The following SLC25A31 variants were observed in gnomAD, a reference collection of about 807,000 sequenced individuals.
SLC25A31 encodes ADP/ATP translocase 4.
SLC25A31 carries 40 observed loss-of-function variants against 36.2 expected under a neutral mutation model. The ratio of observed to expected loss-of-function variants is 1.10; its 90% confidence interval spans 0.86 to 1.44. The LOEUF is 1.44. Among genes scored for constraint, SLC25A31 ranks in the 40% most tolerant of loss-of-function variants. The pLI is 0.00. For missense variants in SLC25A31, 350 were observed against 397.1 expected (o/e 0.88, Z 1.01); for synonymous variants, 143 against 149.7 (o/e 0.96, Z 0.32).
At chr4:127,756,572 G>T (rs1289508985) in intron 2 of SLC25A31, among the ~76,000 whole-genome samples, 1 of 152,076 alleles carries the variant, frequency 6.6e-6, no homozygotes, top group Non-Finnish European at 1.5e-5. Context: ...TGCTAAAAGA[G>T]TATGTTTTAA....
intron 2 of SLC25A31, among the ~76,000 whole-genome samples, chr4:127,755,749 T>C (rs1012753309): frequency 5.3e-5 from 8 of 152,056 alleles, no homozygotes; most frequent in Admixed American, 5.2e-4. Context: ...AAACTAAAAA[T>C]AGGGCCAGGT....
intron 3 of SLC25A31, among the ~76,000 whole-genome samples, chr4:127,766,335 T>C (rs936532432): frequency 7.3e-5 from 11 of 151,688 alleles, no homozygotes; most frequent in Admixed American, 7.2e-4. Context: ...GCCTGGCTAA[T>C]TTTTGTATTT....
chr4:127,737,326 T>A (rs1364202633), intron 1 of SLC25A31, among the ~76,000 whole-genome samples: 1 of 149,148 alleles, frequency 6.7e-6, no homozygotes, highest in East Asian at 2.0e-4. Flanking sequence ...GATTTGTTTG[T>A]AAATTTTCAT....
At chr4:127,754,548 AAAC>A (rs1269553022) in intron 2 of SLC25A31, among the ~76,000 whole-genome samples, 1 of 151,866 alleles carries the variant, frequency 6.6e-6, no homozygotes, top group Admixed American at 6.6e-5. Context: ...AAAAAAAAAA[AAAC>A]ACAAAATGCT....
Position 127,768,797 on chromosome 4 carries a change from TTCATTGC to T in SLC25A31, c.683_689del (p.Ile228LysfsTer3), listed in dbSNP as rs1230966427. 6.2e-7 allele frequency: 1 copy of T among 1,609,278 alleles called. No homozygotes were observed. The highest frequency in any genetic ancestry group is 1.7e-5 in the Admixed American group (1 of 59,538). On this transcript the variant is annotated frameshift_variant, in exon 5 of 6. Coordinates refer to ENST00000281154, the MANE Select transcript of SLC25A31 (RefSeq NM_031291.4). LOFTEE classifies it high-confidence loss of function. ...GAAAACTCCATTTCTTGTCTCCTTT[TTCATTGC>T]TCAAGTTGTGACTACATGCTCTGGA...
intron 2 of SLC25A31, among the ~76,000 whole-genome samples, chr4:127,756,218 TA>T (rs999977316): frequency 6.6e-6 from 1 of 152,108 alleles, no homozygotes; most frequent in Non-Finnish European, 1.5e-5. Flanking sequence ...GATGAATGGA[TA>T]AAGAAAATGT....
intron 1 of SLC25A31, among the ~76,000 whole-genome samples, chr4:127,731,837 A>G (rs1047328043): frequency 1.3e-5 from 2 of 152,108 alleles, no homozygotes; most frequent in African/African-American, 2.4e-5. Flanking sequence ...TTTTAATGCA[A>G]TCTTTTAAAA....
intron 2 of SLC25A31, among the ~76,000 whole-genome samples, chr4:127,757,134 G>C (rs1027675488): frequency 6.6e-6 from 1 of 152,120 alleles, no homozygotes; most frequent in East Asian, 1.9e-4. Flanking sequence ...GCAGTAGAAA[G>C]GAAGAAAATT....
intron 2 of SLC25A31, among the ~76,000 whole-genome samples, chr4:127,749,440 A>T (rs1578661527): frequency 6.6e-6 from 1 of 152,176 alleles, no homozygotes; most frequent in African/African-American, 2.4e-5. Flanking sequence ...GATTAATTTT[A>T]AAAAGATCCA....
At chr4:127,757,026 G>A (rs776280527) in intron 2 of SLC25A31, among the ~76,000 whole-genome samples, 1 of 152,174 alleles carries the variant, frequency 6.6e-6, no homozygotes. Flanking sequence ...ATGTTCAGTA[G>A]CAGCTTTTCT....
At chr4:127,744,873 G>A in intron 2 of SLC25A31, 74 bp downstream of exon 2, 1 of 1,126,832 alleles carries the variant, frequency 8.9e-7, no homozygotes, top group Non-Finnish European at 1.2e-6. Context: ...CCCATCCAAT[G>A]TAAATATATT....
At position 127,767,136 on chromosome 4, in the gene SLC25A31, T is replaced by C. The variant is rs927896911; in HGVS notation, c.549T>C (p.Ala183=). 1.9e-6 allele frequency: 3 copies of C among 1,613,908 alleles called. No individual in the cohort carries two copies. Among genetic ancestry groups the C allele is most frequent in the Middle Eastern group, 1.7e-4 (1 of 6,058 alleles). The change falls in exon 4 of 6, where the codon GCT becomes GCC. Residue 183 remains alanine (A), a synonymous_variant. Coordinates refer to ENST00000281154, the MANE Select transcript of SLC25A31 (RefSeq NM_031291.4). The part of the protein sequence containing the change: ...IMKIAKSDGI[A]GLYQGFGVSV... ...AAATAGCAAAATCAGATGGAATTGC[T>C]GGTTTATACCAAGGGTTTGGTGTTT...
intron 3 of SLC25A31, among the ~76,000 whole-genome samples, chr4:127,765,253 G>A (rs778373674): frequency 4.6e-5 from 7 of 152,114 alleles, no homozygotes; most frequent in Non-Finnish European, 1.0e-4. Flanking sequence ...GTAGTAGTTA[G>A]TTCCTCTAAT....
chr4:127,756,958 G>T (rs531633057), intron 2 of SLC25A31, among the ~76,000 whole-genome samples: 2 of 152,234 alleles, frequency 1.3e-5, no homozygotes, highest in East Asian at 3.9e-4. Flanking sequence ...ACACTTTTGG[G>T]TGGGCATTTA....
intron 3 of SLC25A31, 29 bp from the exon 4 acceptor site, chr4:127,767,037 C>T: frequency 6.3e-7 from 1 of 1,586,138 alleles, no homozygotes; most frequent in Non-Finnish European, 8.6e-7. Context: ...TATAATGTTG[C>T]TAATAGATTT....
chr4:127,767,568 A>G (rs1732269328), intron 4 of SLC25A31, among the ~76,000 whole-genome samples: 1 of 152,168 alleles, frequency 6.6e-6, no homozygotes, highest in South Asian at 2.1e-4. Context: ...TGTTAACCCT[A>G]TTATCACTTT....
At chr4:127,730,874 C>A (rs1295171372) in intron 1 of SLC25A31, 97 bp downstream of exon 1, 20 of 1,138,824 alleles carry the variant, frequency 1.8e-5, no homozygotes, top group Non-Finnish European at 2.5e-5. Flanking sequence ...GTGGGCCCCA[C>A]AACCACAGCT....
intron 2 of SLC25A31, among the ~76,000 whole-genome samples, chr4:127,748,977 C>T (rs1731872266): frequency 1.3e-5 from 2 of 151,774 alleles, no homozygotes; most frequent in African/African-American, 2.4e-5. Context: ...AAATAATTAT[C>T]TTAAAGAATC....
intron 1 of SLC25A31, among the ~76,000 whole-genome samples, chr4:127,736,422 A>G (rs995316985): frequency 2.9e-4 from 44 of 152,212 alleles, no homozygotes; most frequent in African/African-American, 9.4e-4. Context: ...TTTGTGATAT[A>G]TATTAAGAAA....
Sources: gnomAD v4.1 joint callset for allele counts (sites outside exome capture counted in the v4.1 genomes callset) on GRCh38, gnomAD v4.1.1 for gene constraint, MANE v1.5 for transcripts, NCBI Gene and HGNC (gene_info 2026-07-23, HGNC 2026-07-21) for gene names.